DEPDC5: variants seen among roughly 807,000 people sequenced by gnomAD.
DEPDC5 encodes the protein GATOR1 complex protein DEPDC5.
DEPDC5 carries 73 observed loss-of-function variants against 217.3 expected under a neutral mutation model. The observed-to-expected ratio is 0.34, with a 90% CI of 0.28 to 0.41. DEPDC5 has a LOEUF of 0.41. Ranked by LOEUF, DEPDC5 falls within the 10% of genes least tolerant of loss-of-function variation. The pLI, the probability that DEPDC5 is intolerant of heterozygous loss-of-function variation, is 1.00. For missense variants in DEPDC5, 1,675 were observed against 2,070.1 expected (o/e 0.81, Z 3.70); for synonymous variants, 733 against 756.7 (o/e 0.97, Z 0.51).
At chr22:31,807,378 A>G (rs929910888) in intron 18 of DEPDC5, among the ~76,000 whole-genome samples, 2 of 152,240 alleles carry the variant, frequency 1.3e-5, no homozygotes, top group Non-Finnish European at 2.9e-5. Flanking sequence ...GATGGAATAT[A>G]TTTGCAACTG....
At chr22:31,905,631 G>C (rs1473587837) in intron 41 of DEPDC5, among the ~76,000 whole-genome samples, 1 of 152,066 alleles carries the variant, frequency 6.6e-6, no homozygotes, top group African/African-American at 2.4e-5. Flanking sequence ...TGCTGGGATG[G>C]GTAGGGAACA....
chr22:31,893,429 C>T (rs1308296921), intron 38 of DEPDC5, among the ~76,000 whole-genome samples, 153 bp from the exon 39 acceptor site: 1 of 152,124 alleles, frequency 6.6e-6, no homozygotes, highest in Non-Finnish European at 1.5e-5. Context: ...GAAAGGTTTC[C>T]AATATCTAGA....
intron 24 of DEPDC5, among the ~76,000 whole-genome samples, chr22:31,826,894 A>G (rs1033819423): frequency 1.3e-5 from 2 of 150,056 alleles, no homozygotes; most frequent in African/African-American, 5.0e-5. Flanking sequence ...TTAATTATAC[A>G]TAGTTTTTTT....
At chr22:31,877,427 A>C (rs2093026603) in intron 37 of DEPDC5, among the ~76,000 whole-genome samples, 1 of 98,598 alleles carries the variant, frequency 1.0e-5, no homozygotes, top group African/African-American at 4.2e-5. Flanking sequence ...ACAGAGTGAG[A>C]CTCCATCTCA....
chr22:31,757,447 C>T (rs1396946038), intron 2 of DEPDC5: 1 of 152,108 alleles, frequency 6.6e-6, no homozygotes, highest in Non-Finnish European at 1.5e-5. Context: ...TGGGATTGTC[C>T]CTGTAAATAG....
intron 15 of DEPDC5, 107 bp downstream of exon 15, chr22:31,802,945 G>T: frequency 7.4e-7 from 1 of 1,354,382 alleles, no homozygotes; most frequent in East Asian, 2.7e-5. Context: ...TCTACATAGT[G>T]TTCTGTGTGT....
intron 38 of DEPDC5, among the ~76,000 whole-genome samples, chr22:31,882,099 A>G (rs189517195): frequency 9.7e-4 from 148 of 152,324 alleles, no homozygotes; most frequent in African/African-American, 3.4e-3. Context: ...CAAGAACTTG[A>G]TAAGTACAGT....
chr22:31,770,781 A>G (rs1433554187), intron 7 of DEPDC5, among the ~76,000 whole-genome samples: 3 of 140,006 alleles, frequency 2.1e-5, no homozygotes, highest in South Asian at 2.2e-4. Context: ...AAAGATCCCC[A>G]TCTACTTTTC....
At chr22:31,897,772 G>C in intron 40 of DEPDC5, 119 bp downstream of exon 40, 1 of 1,196,912 alleles carries the variant, frequency 8.4e-7, no homozygotes, top group Non-Finnish European at 1.2e-6. Flanking sequence ...TTTCAACAAG[G>C]GGCCAAAAGG....
At chr22:31,767,729 G>A (rs1209551666) in intron 6 of DEPDC5, among the ~76,000 whole-genome samples, 1 of 151,408 alleles carries the variant, frequency 6.6e-6, no homozygotes, top group Non-Finnish European at 1.5e-5. Flanking sequence ...ATCGTGCCCG[G>A]CCCATTTTTT....
rs192642070 is a variant in DEPDC5, at chr22:31,896,827, C to T, written c.4204-655C>T. Among the ~76,000 whole-genome samples the T allele has an allele frequency of 1.3e-4, 20 of 152,212 alleles. No individual in the cohort carries two copies. The East Asian group carries it at 2.9e-3, about 22-fold the overall frequency. On this transcript the variant is annotated intron_variant, in intron 39 of 42. Coordinates refer to ENST00000651528, the MANE Select transcript of DEPDC5 (RefSeq NM_001242896.3). The stretch of plus-strand genomic sequence containing the variant: ...TTGATACTTTGAACTTATTAAATTC[C>T]TGGTAAAGTACAAAATTAGGCTGGG...
intron 3 of DEPDC5, among the ~76,000 whole-genome samples, chr22:31,759,973 G>C (rs1040240364): frequency 6.7e-6 from 1 of 149,816 alleles, no homozygotes; most frequent in Non-Finnish European, 1.5e-5. Context: ...ATGAGCCACC[G>C]AGCCCAGCCT....
At chr22:31,841,546 T>G (rs1468611958) in intron 27 of DEPDC5, among the ~76,000 whole-genome samples, 1 of 152,238 alleles carries the variant, frequency 6.6e-6, no homozygotes, top group Admixed American at 6.5e-5. Context: ...TTACAGAATT[T>G]TTTAGGGTTT....
At chr22:31,770,390 T>C (rs1480376726) in intron 7 of DEPDC5, among the ~76,000 whole-genome samples, 1 of 151,868 alleles carries the variant, frequency 6.6e-6, no homozygotes, top group Non-Finnish European at 1.5e-5. Context: ...TTTTTGTTTT[T>C]TTTTTTCTGA....
At chr22:31,775,874 T>C (rs1789247245) in intron 7 of DEPDC5, among the ~76,000 whole-genome samples, 2 of 151,634 alleles carry the variant, frequency 1.3e-5, no homozygotes, top group Admixed American at 1.3e-4. Flanking sequence ...ACCTCATCTC[T>C]ACTAAAAATA....
At chr22:31,821,133 T>G (rs1284440472) in intron 22 of DEPDC5, among the ~76,000 whole-genome samples, 1 of 152,246 alleles carries the variant, frequency 6.6e-6, no homozygotes, top group Non-Finnish European at 1.5e-5. Flanking sequence ...CTCTCCTAGG[T>G]ATTAACAGAA....
intron 7 of DEPDC5, among the ~76,000 whole-genome samples, chr22:31,770,161 G>T (rs2083210109): frequency 6.6e-6 from 1 of 151,800 alleles, no homozygotes; most frequent in South Asian, 2.1e-4. Context: ...CTGAGCCCTG[G>T]GAGGTTGGGG....
intron 10 of DEPDC5, among the ~76,000 whole-genome samples, chr22:31,791,046 C>G (rs920201233): frequency 6.6e-6 from 1 of 152,010 alleles, no homozygotes. Flanking sequence ...CACGCCCAGC[C>G]GAAACCCTGT....
chr22:31,859,097 T>G (rs973360765), intron 32 of DEPDC5: 3 of 140,046 alleles, frequency 2.1e-5, no homozygotes, highest in Admixed American at 1.4e-4. Context: ...TTTTTTTTTT[T>G]TTTTTTTTTT....
Sources: gnomAD v4.1 joint callset for allele counts (sites outside exome capture counted in the v4.1 genomes callset) on GRCh38, gnomAD v4.1.1 for gene constraint, MANE v1.5 for transcripts, NCBI Gene and HGNC (gene_info 2026-07-23, HGNC 2026-07-21) for gene names.